ADCK1: variants seen among roughly 807,000 people sequenced by gnomAD.
The protein encoded by ADCK1 is aarF domain containing kinase 1.
A neutral mutation model predicts 52.3 loss-of-function variants in ADCK1; 41 were observed. The ratio of observed to expected loss-of-function variants is 0.78; its 90% CI spans 0.61 to 1.02. The LOEUF (loss-of-function observed/expected upper bound fraction) is 1.02, where lower values mean the gene tolerates loss of function less well. Among genes scored for constraint, ADCK1 ranks in the 50% least tolerant of loss-of-function variants. ADCK1 has a pLI of 0.00. For missense variants in ADCK1, 658 were observed against 679.5 expected (o/e 0.97, Z 0.35); for synonymous variants, 250 against 274.6 (o/e 0.91, Z 0.89).
chr14:77,850,764 C>T (rs566640512), intron 3 of ADCK1, among the ~76,000 whole-genome samples: 2 of 151,644 alleles, frequency 1.3e-5, no homozygotes, highest in East Asian at 3.9e-4. Flanking sequence ...CATTCTCCTG[C>T]CTCAGCTTCC....
chr14:77,819,447 C>A (rs1183495542), intron 2 of ADCK1, among the ~76,000 whole-genome samples: 2 of 152,124 alleles, frequency 1.3e-5, no homozygotes, highest in Non-Finnish European at 2.9e-5. Flanking sequence ...CAAGAGGGGC[C>A]GTGCTCTTCA....
At position 77,859,288 on chromosome 14, in the gene ADCK1, C is replaced by T. The variant is rs2082492603; in HGVS notation, c.423+9C>T. 2.5e-6 allele frequency: 4 copies of T among 1,611,726 alleles called. No homozygotes were observed. The highest frequency in any genetic ancestry group is 3.4e-6 in the Non-Finnish European group (4 of 1,178,912). On this transcript the variant is annotated intron_variant, in intron 4 of 10. Coordinates refer to ENST00000238561, the MANE Select transcript of ADCK1 (RefSeq NM_020421.4). The stretch of plus-strand genomic sequence containing the variant: ...AAGATCTGGGCAAGGAGGTACCCAC[C>T]TTTGCAGGGGGGATGGGCCTTGGTT...
intron 4 of ADCK1, among the ~76,000 whole-genome samples, chr14:77,876,985 C>T (rs1339191424): frequency 2.6e-5 from 4 of 152,198 alleles, no homozygotes; most frequent in East Asian, 3.8e-4. Context: ...GAGGCCAAGG[C>T]GGGTGGATCA....
chr14:77,828,827 A>ACCTTTTC (rs1555348750), intron 3 of ADCK1, among the ~76,000 whole-genome samples: 1 of 151,648 alleles, frequency 6.6e-6, no homozygotes, highest in Non-Finnish European at 1.5e-5. Context: ...GCGCCCAGCC[A>ACCTTTTC]TTTAATTATT....
At chr14:77,805,591 A>G (rs544518855) in intron 1 of ADCK1, among the ~76,000 whole-genome samples, 1 of 152,250 alleles carries the variant, frequency 6.6e-6, no homozygotes, top group African/African-American at 2.4e-5. Flanking sequence ...CTCTTTATAG[A>G]AAAATATTTG....
intron 4 of ADCK1, among the ~76,000 whole-genome samples, chr14:77,875,612 C>T (rs189081192): frequency 1.6e-4 from 24 of 152,294 alleles, no homozygotes; most frequent in Admixed American, 9.2e-4. Context: ...TGCTCCTGCA[C>T]GTCAGCCACG....
intron 6 of ADCK1, among the ~76,000 whole-genome samples, chr14:77,899,544 G>A (rs987874272): frequency 1.3e-5 from 2 of 152,194 alleles, no homozygotes; most frequent in Non-Finnish European, 2.9e-5. Context: ...CCTATATGCC[G>A]TGGTCTCTGC....
intron 3 of ADCK1, among the ~76,000 whole-genome samples, chr14:77,853,275 G>A (rs979161755): frequency 2.0e-5 from 3 of 151,602 alleles, no homozygotes; most frequent in Non-Finnish European, 2.9e-5. Flanking sequence ...GCATGCCACC[G>A]TGTCTAGCTA....
intron 3 of ADCK1, among the ~76,000 whole-genome samples, chr14:77,851,920 C>T (rs1232268342): frequency 1.3e-5 from 2 of 151,724 alleles, no homozygotes; most frequent in Admixed American, 6.6e-5. Flanking sequence ...CTCTCTGTTC[C>T]CTTATATAGA....
intron 3 of ADCK1, among the ~76,000 whole-genome samples, chr14:77,835,548 C>T (rs2081942860): frequency 6.6e-6 from 1 of 152,204 alleles, no homozygotes; most frequent in Non-Finnish European, 1.5e-5. Context: ...AGGTGGTTCA[C>T]AACCTGTCAG....
At chr14:77,859,538 C>G (rs2082498668) in intron 4 of ADCK1, among the ~76,000 whole-genome samples, 1 of 152,180 alleles carries the variant, frequency 6.6e-6, no homozygotes. Context: ...TCATATGGTT[C>G]AACCTAATAA....
chr14:77,842,461 T>TTCCA, intron 3 of ADCK1, among the ~76,000 whole-genome samples: 1 of 53,120 alleles, frequency 1.9e-5, no homozygotes, highest in Non-Finnish European at 5.7e-5. Context: ...CCTTCCTTCC[T>TTCCA]TCCTTCCTTC....
intron 2 of ADCK1, among the ~76,000 whole-genome samples, chr14:77,819,540 A>C (rs1166321719): frequency 1.3e-5 from 2 of 152,214 alleles, no homozygotes; most frequent in Non-Finnish European, 2.9e-5. Context: ...AGCTAGGATG[A>C]ATGGTTCCTG....
At chr14:77,824,751 A>G (rs1307269204) in intron 3 of ADCK1, among the ~76,000 whole-genome samples, 3 of 152,142 alleles carry the variant, frequency 2.0e-5, no homozygotes, top group African/African-American at 7.2e-5. Context: ...GCCTTTTTAC[A>G]GTTAGTTTGT....
intron 4 of ADCK1, among the ~76,000 whole-genome samples, chr14:77,867,902 T>C (rs1391592519): frequency 6.6e-6 from 1 of 152,218 alleles, no homozygotes; most frequent in Non-Finnish European, 1.5e-5. Flanking sequence ...GAGGAATGAA[T>C]GCTATAGCCC....
chr14:77,884,648 G>T (rs953994314), intron 4 of ADCK1, among the ~76,000 whole-genome samples: 2 of 152,188 alleles, frequency 1.3e-5, no homozygotes, highest in Admixed American at 1.3e-4. Flanking sequence ...ACCGTGGCCC[G>T]GGTTCACTCC....
At chr14:77,873,193 C>T (rs1046855133) in intron 4 of ADCK1, among the ~76,000 whole-genome samples, 10 of 152,138 alleles carry the variant, frequency 6.6e-5, no homozygotes, top group Non-Finnish European at 1.0e-4. Flanking sequence ...CAGAGGGAGC[C>T]GAGCCCTCCA....
chr14:77,924,487 G>C lies in ADCK1; in HGVS notation c.889G>C (p.Glu297Gln). 2 of 1,614,136 alleles carry C rather than the reference G, an allele frequency of 1.2e-6. No homozygotes were observed. Among genetic ancestry groups the C allele is most frequent in the East Asian group, 4.5e-5 (2 of 44,874 alleles). The change falls in exon 8 of 11, where the codon GAG becomes CAG. Residue 297 changes from glutamate (E) to glutamine (Q), a missense_variant. Coordinates refer to ENST00000238561, the MANE Select transcript of ADCK1 (RefSeq NM_020421.4). Reference sequence around the variant, plus strand: ...ACGCCACCTGGGCAAGATGTATAGTGAGATGATCTTCGTCAATGGCTTCGT... The same window carrying C: ...ACGCCACCTGGGCAAGATGTATAGTCAGATGATCTTCGTCAATGGCTTCGT... ...ISRHLGKMYS[E>Q]MIFVNGFVHC...
chr14:77,851,807 A>G (rs1476576691), intron 3 of ADCK1, among the ~76,000 whole-genome samples: 1 of 152,168 alleles, frequency 6.6e-6, no homozygotes, highest in Non-Finnish European at 1.5e-5. Flanking sequence ...TAAACACCAC[A>G]TTACATTGTT....
Sources: allele counts gnomAD v4.1 joint callset (sites outside exome capture counted in the v4.1 genomes callset), GRCh38; gene constraint gnomAD v4.1.1; transcripts MANE v1.5; gene names NCBI Gene and HGNC (gene_info 2026-07-23, HGNC 2026-07-21).